The following NUP205 variants were observed in gnomAD, a reference collection of about 807,000 sequenced individuals.
NUP205 encodes nucleoporin 205, also known as nuclear pore complex protein Nup205.
NUP205 carries 76 observed loss-of-function variants against 253.8 expected under a neutral mutation model. That is an observed-to-expected ratio of 0.30 (90% confidence interval 0.25 to 0.36). NUP205 has a LOEUF of 0.36. Ranked by LOEUF, NUP205 falls within the 10% of genes least tolerant of loss-of-function variation. NUP205 has a pLI of 1.00. For missense variants in NUP205, 2,162 were observed against 2,425.5 expected (o/e 0.89, Z 2.28); for synonymous variants, 832 against 850.1 (o/e 0.98, Z 0.37).
intron 35 of NUP205, among the ~76,000 whole-genome samples, chr7:135,633,082 C>T (rs747565367): frequency 1.3e-5 from 2 of 152,040 alleles, no homozygotes; most frequent in African/African-American, 2.4e-5. Flanking sequence ...CCTCCCACCT[C>T]AGCTTCTCAA....
chr7:135,603,085 CT>C lies in NUP205; in HGVS notation c.2702+100del, dbSNP rs559892201. The C allele has an allele frequency of 0.038, 25,487 of 674,260 alleles. 646 individuals carry two copies. The highest frequency in any genetic ancestry group is 0.077 in the Middle Eastern group (202 of 2,638). The allele number at this position is 674,260 out of a possible 1,614,324, so 41.8% of individuals were successfully genotyped here. A position where few individuals can be genotyped will look rare whatever the true frequency, so the allele number is the denominator to read the frequency against. On this transcript the variant is annotated intron_variant, in intron 18 of 42. Coordinates refer to ENST00000285968, the MANE Select transcript of NUP205 (RefSeq NM_015135.3). ...TCTGGTTAGGTATCTAGTGCATCACCTTTTTTTTTATTTTTGCCTCATTTTA... is the reference window on the plus strand; with the variant it reads ...TCTGGTTAGGTATCTAGTGCATCACCTTTTTTTTATTTTTGCCTCATTTTA...
At position 135,608,825 on chromosome 7, in the gene NUP205, G is replaced by T. The variant is rs115973421; in HGVS notation, c.3195+1454G>T. On this transcript the variant is annotated intron_variant, in intron 22 of 42. Transcript: ENST00000285968. The stretch of plus-strand genomic sequence containing the variant: ...TGTTTTAAAAACTAGGCTTGGCCGC[G>T]TGCAGTGACTCACGCCTTTAATCCC... Among the ~76,000 whole-genome samples, 303 of 152,052 alleles carry T rather than the reference G, an allele frequency of 2.0e-3. 3 individuals carry two copies. The highest frequency in any genetic ancestry group is 6.8e-3 in the Middle Eastern group (2 of 294).
At chr7:135,573,136 T>C (rs768144539) in intron 2 of NUP205, among the ~76,000 whole-genome samples, 2 of 152,098 alleles carry the variant, frequency 1.3e-5, no homozygotes, top group African/African-American at 4.8e-5. Context: ...CAATGACCAA[T>C]GTGTAACCTT....
At chr7:135,585,145 T>A (rs987381365) in intron 8 of NUP205, 138 bp downstream of exon 8, 3 of 618,814 alleles carry the variant, frequency 4.8e-6, no homozygotes, top group Non-Finnish European at 8.3e-6. Context: ...CTGTATTACA[T>A]CTTGTGAATC....
chr7:135,645,568 A>C lies in NUP205; in HGVS notation c.5784A>C (p.Arg1928Ser). 6 of 1,614,094 alleles carry C rather than the reference A, an allele frequency of 3.7e-6. No individual in the cohort carries two copies. The highest frequency in any genetic ancestry group is 5.1e-6 in the Non-Finnish European group (6 of 1,180,012). ...TDSQDSLFAS[R>S]TLFKSRRLQD... The stretch of plus-strand genomic sequence containing the variant: ...CTCAAGATTCCTTATTTGCCTCGAG[A>C]ACCTTGTTTAAAAGCAGAAGACTGC... Residue 1928 changes from arginine (R) to serine (S), a missense_variant, in exon 41 of 43, where the codon AGA (arginine) becomes AGC (serine). Arg to Ser is a moderately radical substitution (Grantham distance 110). Coordinates refer to ENST00000285968, the MANE Select transcript of NUP205 (RefSeq NM_015135.3).
In NUP205 at chr7:135,617,035, T is replaced by G. The variant is rs773657494; in HGVS notation, c.3533-55T>G. ...TTGAAAATCAACTGAATATGATGGC[T>G]TGCCTTTCTTTTCAATGTCCCAAGT... On this transcript the variant is annotated intron_variant, in intron 25 of 42. Coordinates refer to ENST00000285968, the MANE Select transcript of NUP205 (RefSeq NM_015135.3). The G allele has an allele frequency of 3.5e-5, 47 of 1,335,470 alleles. No homozygotes were observed. The Admixed American group carries it at 6.7e-4, about 19-fold the overall frequency. 82.7% of individuals were successfully genotyped at this position (1,335,470 alleles called of 1,614,324 possible).
At position 135,638,414 on chromosome 7, in the gene NUP205, G is replaced by GAAA. The variant is rs372398905; in HGVS notation, c.5266-127_5266-125dup. ...TGGGCAACAGAGGGAGACTCCATCTGAAAAAAAAAAAAAAAAAAGAATACA... is the reference window on the plus strand; with the variant it reads ...TGGGCAACAGAGGGAGACTCCATCTGAAAAAAAAAAAAAAAAAAAAAGAATACA... On this transcript the variant is annotated intron_variant, in intron 37 of 42. Coordinates refer to ENST00000285968, the MANE Select transcript of NUP205 (RefSeq NM_015135.3). 0.077 allele frequency: 35,413 copies of GAAA among 457,356 alleles called. 922 individuals carry two copies. The highest frequency in any genetic ancestry group is 0.11 in the Admixed American group (2,457 of 21,446). 28.3% of individuals were successfully genotyped at this position (457,356 alleles called of 1,614,324 possible). A position where few individuals can be genotyped will look rare whatever the true frequency, so the allele number is the denominator to read the frequency against.
intron 22 of NUP205, among the ~76,000 whole-genome samples, chr7:135,607,743 G>T (rs1210109412): frequency 2.6e-5 from 4 of 152,146 alleles, no homozygotes; most frequent in Non-Finnish European, 5.9e-5. Context: ...AAACGTCTCT[G>T]ACTCTGAGTT....
At chr7:135,576,690 T>C (rs1806160258) in intron 4 of NUP205, among the ~76,000 whole-genome samples, 1 of 152,110 alleles carries the variant, frequency 6.6e-6, no homozygotes, top group Non-Finnish European at 1.5e-5. Flanking sequence ...TAGATCAGCC[T>C]GGGCAACATG....
intron 1 of NUP205, among the ~76,000 whole-genome samples, chr7:135,570,176 C>T (rs773879825): frequency 2.7e-4 from 41 of 151,070 alleles, no homozygotes; most frequent in Non-Finnish European, 5.6e-4. Flanking sequence ...AGCTGATATT[C>T]CAATTTAAAG....
Position 135,573,636 on chromosome 7 carries a change from A to G in NUP205, c.172-18A>G. On this transcript the variant is annotated intron_variant, in intron 2 of 42. Coordinates refer to ENST00000285968, the MANE Select transcript of NUP205 (RefSeq NM_015135.3). ...CCAGTGTGCTATTTTCATAACAATTACAATTTTATCATTGTAGCCAAAAAA... is the reference window on the plus strand; with the variant it reads ...CCAGTGTGCTATTTTCATAACAATTGCAATTTTATCATTGTAGCCAAAAAA... 1.9e-6 allele frequency: 3 copies of G among 1,602,056 alleles called. No homozygotes were observed. The highest frequency in any genetic ancestry group is 1.3e-5 in the African/African-American group (1 of 74,460).
chr7:135,626,131 C>A, intron 32 of NUP205, 109 bp from the exon 33 acceptor site: 1 of 1,330,332 alleles, frequency 7.5e-7, no homozygotes, highest in Admixed American at 1.9e-5. Context: ...CCAGATTTCT[C>A]TTCAGTGATA....
At chr7:135,631,478 G>A (rs560516913) in intron 35 of NUP205, among the ~76,000 whole-genome samples, 1 of 152,110 alleles carries the variant, frequency 6.6e-6, no homozygotes. Flanking sequence ...TTTTGAATCA[G>A]TTAACTCCCT....
At chr7:135,630,247 C>T in intron 34 of NUP205, 97 bp from the exon 35 acceptor site, 1 of 877,932 alleles carries the variant, frequency 1.1e-6, no homozygotes, top group Non-Finnish European at 1.6e-6. Flanking sequence ...TTGAAGGTTA[C>T]TTCCTTCAAC....
rs4296989 is a variant in NUP205 at position 135,601,040 on chromosome 7, T to C, written c.2374+71T>C. The C allele has an allele frequency of 1, 747,210 of 749,006 alleles. 372,736 individuals carry two copies. The highest frequency in any genetic ancestry group is 1 in the East Asian group (35,938 of 35,938). 46.4% of individuals were successfully genotyped at this position (749,006 alleles called of 1,614,324 possible). A position where few individuals can be genotyped will look rare whatever the true frequency, so the allele number is the denominator to read the frequency against. ...ATTTATAAATTATGGCTATGTTATA[T>C]ATAAATTAAAAATTATACTTTTAAA... On this transcript the variant is annotated intron_variant, in intron 16 of 42. Transcript: ENST00000285968.
intron 19 of NUP205, among the ~76,000 whole-genome samples, chr7:135,605,086 C>T (rs543770469): frequency 6.6e-6 from 1 of 151,720 alleles, no homozygotes; most frequent in African/African-American, 2.4e-5. Flanking sequence ...GACAGGAACT[C>T]GCTCTATCAC....
intron 10 of NUP205, among the ~76,000 whole-genome samples, chr7:135,589,097 G>C (rs1806551272): frequency 6.6e-6 from 1 of 150,484 alleles, no homozygotes; most frequent in Non-Finnish European, 1.5e-5. Flanking sequence ...TTGAGCCCCG[G>C]GGTTTGAGGT....
Position 135,600,976 on chromosome 7 carries a change from TAATTC to T in NUP205, c.2374+8_2374+12del, listed in dbSNP as rs1793953858. Reference sequence around the variant, plus strand: ...CAGTTTGTGGAACTACAAGGTAATTTAATTCTGTCACTTTCAAACAAGTTGTCAAC... The same window carrying T: ...CAGTTTGTGGAACTACAAGGTAATTTTGTCACTTTCAAACAAGTTGTCAAC... On this transcript the variant is annotated splice_region_variant and intron_variant, in intron 16 of 42. Transcript: ENST00000285968. 2 of 1,492,862 alleles carry T rather than the reference TAATTC, an allele frequency of 1.3e-6. No individual in the cohort carries two copies. Among genetic ancestry groups the T allele is most frequent in the South Asian group, 2.3e-5 (2 of 86,292 alleles). 92.5% of individuals were successfully genotyped at this position (1,492,862 alleles called of 1,614,324 possible).
intron 24 of NUP205, 103 bp from the exon 25 acceptor site, chr7:135,616,552 C>T (rs1290737227): frequency 1.7e-6 from 1 of 596,562 alleles, no homozygotes; most frequent in Non-Finnish European, 2.7e-6. Context: ...GATGTAGAAA[C>T]AATGACCTAG....
Sources: allele counts gnomAD v4.1 joint callset (sites outside exome capture counted in the v4.1 genomes callset), GRCh38; gene constraint gnomAD v4.1.1; transcripts MANE v1.5; gene names NCBI Gene and HGNC (gene_info 2026-07-23, HGNC 2026-07-21).